Variants in RELN observed in about 807,000 individuals in gnomAD.
RELN encodes the protein reelin.
Under a neutral mutation model 427.6 loss-of-function variants are expected in RELN, and 108 were observed. The ratio of observed to expected loss-of-function variants is 0.25; its 90% CI spans 0.22 to 0.30. The LOEUF (loss-of-function observed/expected upper bound fraction) is 0.30. Among genes scored for constraint, RELN ranks in the 10% least tolerant of loss-of-function variants. The pLI is 1.00. For synonymous variants in RELN, 1,524 were observed against 1,513.4 expected (o/e 1.01, Z -0.16); for missense variants, 3,715 against 4,302.8 (o/e 0.86, Z 3.82).
intron 63 of RELN, among the ~76,000 whole-genome samples, chr7:103,478,994 C>A (rs1828134669): frequency 6.6e-6 from 1 of 152,120 alleles, no homozygotes; most frequent in Non-Finnish European, 1.5e-5. Flanking sequence ...CCATAGTTAG[C>A]AACATAAGGT....
At chr7:103,677,924 G>A (rs1833573655) in intron 11 of RELN, among the ~76,000 whole-genome samples, 1 of 151,942 alleles carries the variant, frequency 6.6e-6, no homozygotes, top group Non-Finnish European at 1.5e-5. Flanking sequence ...ATGTGTTCTG[G>A]GCTATTGTCT....
chr7:103,508,598 G>A (rs907059584), intron 51 of RELN, among the ~76,000 whole-genome samples: 3 of 152,300 alleles, frequency 2.0e-5, no homozygotes, highest in African/African-American at 7.2e-5. Context: ...ACAAGACAAG[G>A]ATGCCCTCTC....
intron 4 of RELN, among the ~76,000 whole-genome samples, chr7:103,762,664 T>C (rs771839598): frequency 3.3e-5 from 5 of 152,224 alleles, no homozygotes; most frequent in Non-Finnish European, 5.9e-5. Context: ...AAGCCAATAT[T>C]ACTAAAACCA....
chr7:103,777,144 T>G (rs1338958383), intron 3 of RELN, among the ~76,000 whole-genome samples: 2 of 152,150 alleles, frequency 1.3e-5, no homozygotes, highest in Non-Finnish European at 2.9e-5. Flanking sequence ...CAAAATAAAA[T>G]CACATGAAGG....
At chr7:103,810,198 T>C (rs1053475551) in intron 3 of RELN, among the ~76,000 whole-genome samples, 1 of 152,186 alleles carries the variant, frequency 6.6e-6, no homozygotes, top group Non-Finnish European at 1.5e-5. Context: ...ATTTACTTTC[T>C]TTCCCTTCTG....
Position 103,780,671 on chromosome 7 carries a change from G to A in RELN, c.474-4044C>T, listed in dbSNP as rs1363385630. Among the ~76,000 whole-genome samples, 4 of 152,146 alleles carry A rather than the reference G, an allele frequency of 2.6e-5. No homozygotes were observed. In the East Asian group the frequency reaches 7.7e-4, roughly 29 times the overall value. On this transcript the variant is annotated intron_variant, in intron 3 of 64. Coordinates refer to ENST00000428762, the MANE Select transcript of RELN (RefSeq NM_005045.4). ...TTGGTATTTGGTTTTCTGTTCCTAT[G>A]TTAGTTTGCTAAGGATAATGGCCTC... is the stretch of plus-strand genomic sequence containing the variant.
At chr7:103,839,943 C>T (rs1478827409) in intron 2 of RELN, among the ~76,000 whole-genome samples, 3 of 152,092 alleles carry the variant, frequency 2.0e-5, no homozygotes, top group Non-Finnish European at 2.9e-5. Flanking sequence ...GGTGGATTTC[C>T]CTCTTGCTGT....
At chr7:103,900,755 T>C (rs1394058238) in intron 2 of RELN, among the ~76,000 whole-genome samples, 1 of 152,180 alleles carries the variant, frequency 6.6e-6, no homozygotes, top group Non-Finnish European at 1.5e-5. Context: ...TATTCCCTAC[T>C]TAATAAATGC....
In RELN at chr7:103,803,789, G is replaced by A. The variant is rs567379953; in HGVS notation, c.474-27162C>T. Among the ~76,000 whole-genome samples, 3 of 152,138 alleles carry A rather than the reference G, an allele frequency of 2.0e-5. No homozygotes were observed. The East Asian group carries it at 5.8e-4, about 29-fold the overall frequency. ...CACATTTCCAGGATAACAGCAACTG[G>A]CAAGGTTACAGCTCTTAGGAGTCTG... On this transcript the variant is annotated intron_variant, in intron 3 of 64. Transcript: ENST00000428762.
At chr7:103,945,259 T>C (rs1361842115) in intron 1 of RELN, among the ~76,000 whole-genome samples, 1 of 152,134 alleles carries the variant, frequency 6.6e-6, no homozygotes, top group African/African-American at 2.4e-5. Context: ...ACCCAACCCC[T>C]GCCAAAGAAA....
At chr7:103,738,911 G>C (rs976863850) in intron 6 of RELN, among the ~76,000 whole-genome samples, 2 of 151,878 alleles carry the variant, frequency 1.3e-5, no homozygotes, top group East Asian at 3.9e-4. Flanking sequence ...TTGATATCTT[G>C]ACCTTGTGAT....
chr7:103,815,501 C>A, intron 3 of RELN, among the ~76,000 whole-genome samples: 1 of 152,140 alleles, frequency 6.6e-6, no homozygotes, highest in East Asian at 1.9e-4. Flanking sequence ...GTATTTCCTG[C>A]AATTTTATTA....
rs1001584020 is a variant in RELN, at chr7:103,923,923, G to C, written c.227-6738C>G. ...AGGTATTGTTCTAAATCTTTTATAG[G>C]TATTAATCTTTTCAATATCCTATGT... On this transcript the variant is annotated intron_variant, in intron 1 of 64. Transcript: ENST00000428762. Among the ~76,000 whole-genome samples, 4 of 152,078 alleles carry C rather than the reference G, an allele frequency of 2.6e-5. No individual in the cohort carries two copies. In the South Asian group the frequency reaches 8.3e-4, roughly 32 times the overall value.
intron 3 of RELN, among the ~76,000 whole-genome samples, chr7:103,790,422 GA>G (rs1195405276): frequency 1.3e-5 from 2 of 152,046 alleles, no homozygotes; most frequent in Non-Finnish European, 2.9e-5. Context: ...TTTAAATAAT[GA>G]AGTGTATAAA....
At chr7:103,960,127 C>T (rs1181273277) in intron 1 of RELN, among the ~76,000 whole-genome samples, 1 of 152,172 alleles carries the variant, frequency 6.6e-6, no homozygotes, top group Admixed American at 6.5e-5. Context: ...TTATGTCGTT[C>T]CTTGGCTCAA....
chr7:103,746,043 A>C (rs908123376), intron 6 of RELN, among the ~76,000 whole-genome samples: 6 of 152,280 alleles, frequency 3.9e-5, no homozygotes, highest in Admixed American at 3.9e-4. Flanking sequence ...TAACCAAAAC[A>C]GCATGGTACT....
Position 103,652,627 on chromosome 7 carries a change from C to T in RELN, c.1687G>A (p.Val563Ile). 6.2e-7 allele frequency: 1 copy of T among 1,612,894 alleles called. No homozygotes were observed. Among genetic ancestry groups the T allele is most frequent in the South Asian group, 1.1e-5 (1 of 91,060 alleles). The change falls in exon 14 of 65, where the codon GTT (valine) becomes ATT (isoleucine). Residue 563 changes from valine to isoleucine, a missense_variant. Val to Ile is a conservative substitution (Grantham distance 29). Around this residue, in one of 4 missense-constraint regions of RELN, gnomAD observed 2,208 missense variants for 2,361.7 expected, o/e 0.93. Transcript: ENST00000428762. ...WAVDFFHVLP[V>I]LPSTMSHMIQ... ...ATGTGAGACATTGTAGAAGGGAGAA[C>T]AGGCAAGACATGGAAAAAGTCTACA...
At chr7:103,716,853 TC>T (rs1214119694) in intron 8 of RELN, among the ~76,000 whole-genome samples, 16 of 152,308 alleles carry the variant, frequency 1.1e-4, no homozygotes, top group Admixed American at 9.1e-4. Flanking sequence ...TTCAGAGATA[TC>T]AGTCTGGGGC....
chr7:103,539,410 G>T, intron 44 of RELN, 83 bp from the exon 45 acceptor site: 1 of 1,455,512 alleles, frequency 6.9e-7, no homozygotes, highest in Non-Finnish European at 9.4e-7. Flanking sequence ...TTGTTTGTTT[G>T]TTTGTTTTGA....
Sources: gnomAD v4.1 joint callset for allele counts (sites outside exome capture counted in the v4.1 genomes callset) on GRCh38, gnomAD v4.1.1 for gene constraint, gnomAD v4.1.1 regional missense constraint, MANE v1.5 for transcripts, NCBI Gene and HGNC (gene_info 2026-07-23, HGNC 2026-07-21) for gene names.